Variants in UCHL3 observed in about 807,000 individuals in gnomAD.
UCHL3 encodes ubiquitin carboxyl-terminal hydrolase isozyme L3.
Under a neutral mutation model 35.8 loss-of-function variants are expected in UCHL3, and 22 were observed. The observed-to-expected ratio is 0.61, with a 90% CI of 0.44 to 0.88. The LOEUF is 0.88. Ranked by LOEUF, UCHL3 falls within the 40% of genes least tolerant of loss-of-function variation. The pLI, the probability that UCHL3 is intolerant of heterozygous loss-of-function variation, is 0.00. For missense variants in UCHL3, 229 were observed against 276.9 expected, an observed-to-expected ratio of 0.83 and a Z score of 1.23; for synonymous variants, 90 against 92.8, an observed-to-expected ratio of 0.97 and a Z score of 0.17.
chr13:75,573,059 G>A (rs1457431262), intron 6 of UCHL3, among the ~76,000 whole-genome samples: 1 of 152,176 alleles, frequency 6.6e-6, no homozygotes, highest in African/African-American at 2.4e-5. Flanking sequence ...GAGTTCAGGA[G>A]CTCAAGACTA....
At chr13:75,604,238 T>G (rs1455280763) in intron 7 of UCHL3, among the ~76,000 whole-genome samples, 1 of 152,170 alleles carries the variant, frequency 6.6e-6, no homozygotes, top group Admixed American at 6.5e-5. Context: ...ACTAGTTTAT[T>G]TAAGTTGATT....
chr13:75,578,612 G>C lies in UCHL3; in HGVS notation c.474+9105G>C, dbSNP rs185595636. The stretch of plus-strand genomic sequence containing the variant: ...GAATTCCATTTCTAAATTTTTGCTT[G>C]TTTAATAGGGGGAAATAACATGTTT... On this transcript the variant is annotated intron_variant, in intron 6 of 8. Coordinates refer to ENST00000377595, the MANE Select transcript of UCHL3 (RefSeq NM_006002.5). Among the ~76,000 whole-genome samples, 364 of 152,104 alleles carry C rather than the reference G, an allele frequency of 2.4e-3. 2 individuals are homozygous for C. The highest frequency in any genetic ancestry group is 4.2e-3 in the Non-Finnish European group (282 of 67,910).
chr13:75,550,132 G>T (rs1011998242), intron 2 of UCHL3, 145 bp downstream of exon 2: 77 of 1,307,518 alleles, frequency 5.9e-5, no homozygotes, highest in Non-Finnish European at 5.6e-5. Context: ...ACGCGGGTCC[G>T]CCCCTTTCAG....
In UCHL3 at chr13:75,566,678, CT is replaced by C. The variant is rs56945758; in HGVS notation, c.184-6del. ...TTATTTTCCACAAATACACTGTTGA[CT>C]TTTTTTTTTTAATAGTATGAAGTAT... On this transcript the variant is annotated splice_polypyrimidine_tract_variant and intron_variant, in intron 3 of 8. Transcript: ENST00000377595. The C allele has an allele frequency of 0.95, 1,054,161 of 1,105,196 alleles. 501,589 individuals are homozygous for C. Among genetic ancestry groups the C allele is most frequent in the Middle Eastern group, 0.97 (4,326 of 4,450 alleles). The allele number at this position is 1,105,196 out of a possible 1,614,324, so 68.5% of individuals were successfully genotyped here.
chr13:75,580,313 T>C (rs1277717727), intron 6 of UCHL3, among the ~76,000 whole-genome samples: 1 of 152,360 alleles, frequency 6.6e-6, no homozygotes, highest in East Asian at 1.9e-4. Flanking sequence ...TAATCCAATG[T>C]ATTACACTGA....
At chr13:75,590,172 G>T in intron 6 of UCHL3, 2 of 1,222,056 alleles carry the variant, frequency 1.6e-6, no homozygotes, top group Non-Finnish European at 2.1e-6. Context: ...AGTGACAAGG[G>T]CTGTCTTTTT....
At chr13:75,592,583 T>C (rs574704589) in intron 6 of UCHL3, among the ~76,000 whole-genome samples, 1 of 150,030 alleles carries the variant, frequency 6.7e-6, no homozygotes, top group East Asian at 1.9e-4. Flanking sequence ...TTATTTTTCT[T>C]GTTTTTAGTG....
chr13:75,599,020 G>A (rs1363420045), intron 7 of UCHL3, among the ~76,000 whole-genome samples: 1 of 152,008 alleles, frequency 6.6e-6, no homozygotes, highest in Non-Finnish European at 1.5e-5. Flanking sequence ...TGCAGACTTG[G>A]CCTTTGAAAG....
At chr13:75,582,290 G>A (rs1352373305) in intron 6 of UCHL3, among the ~76,000 whole-genome samples, 2 of 152,290 alleles carry the variant, frequency 1.3e-5, no homozygotes, top group East Asian at 3.9e-4. Flanking sequence ...CATTCTTCCT[G>A]AAGAGTAAAA....
chr13:75,595,597 CAAAAAAAAAAAAAAAA>C (rs58733406), intron 7 of UCHL3, among the ~76,000 whole-genome samples: 9 of 45,658 alleles, frequency 2.0e-4, no homozygotes, highest in African/African-American at 8.3e-4. Context: ...TACTCCATCT[CAAAAAAAAAAAAAAAA>C]AAAAAAAAAA....
At chr13:75,597,065 AT>A (rs770238359) in intron 7 of UCHL3, among the ~76,000 whole-genome samples, 2 of 152,226 alleles carry the variant, frequency 1.3e-5, no homozygotes, top group Non-Finnish European at 2.9e-5. Context: ...CAGAGCAATA[AT>A]AGGTACATTA....
At chr13:75,562,640 ACT>A (rs1491574906) in intron 3 of UCHL3, among the ~76,000 whole-genome samples, 1 of 152,076 alleles carries the variant, frequency 6.6e-6, no homozygotes. Context: ...ATTTTTTATG[ACT>A]TTTTTTGTAA....
At chr13:75,583,253 C>A (rs188984754) in intron 6 of UCHL3, among the ~76,000 whole-genome samples, 98 of 152,260 alleles carry the variant, frequency 6.4e-4, no homozygotes, top group African/African-American at 2.2e-3. Context: ...ATATGCTATC[C>A]TATTTTGAAT....
At chr13:75,549,649 C>A (rs4885310), upstream of UCHL3, 76,210 of 633,318 alleles carry the variant, frequency 0.12, 5,404 homozygotes, top group Non-Finnish European at 0.15. Context: ...GACCTACGGC[C>A]CTGCACGGAG....
At chr13:75,552,106 T>A (rs1248338387) in intron 2 of UCHL3, among the ~76,000 whole-genome samples, 1 of 152,222 alleles carries the variant, frequency 6.6e-6, no homozygotes, top group African/African-American at 2.4e-5. Flanking sequence ...GTACATTATA[T>A]CTGGCATGCT....
intron 6 of UCHL3, among the ~76,000 whole-genome samples, chr13:75,575,584 C>A (rs1301875600): frequency 6.6e-6 from 1 of 152,116 alleles, no homozygotes; most frequent in Non-Finnish European, 1.5e-5. Flanking sequence ...CCTCATCCCC[C>A]TTCTATAGAT....
intron 6 of UCHL3, among the ~76,000 whole-genome samples, chr13:75,570,212 T>C (rs1188380284): frequency 3.3e-5 from 5 of 152,224 alleles, no homozygotes; most frequent in African/African-American, 1.2e-4. Context: ...TCTTCTTTCT[T>C]ATCCCATATG....
At chr13:75,556,932 T>C (rs2031311069) in intron 2 of UCHL3, among the ~76,000 whole-genome samples, 2 of 152,210 alleles carry the variant, frequency 1.3e-5, no homozygotes, top group Non-Finnish European at 2.9e-5. Flanking sequence ...GGTAAAAGGA[T>C]ACACTGGGTT....
chr13:75,570,927 T>G (rs892854244), intron 6 of UCHL3, among the ~76,000 whole-genome samples: 1 of 152,042 alleles, frequency 6.6e-6, no homozygotes, highest in Non-Finnish European at 1.5e-5. Flanking sequence ...AATATATATA[T>G]ATATTGGTTG....
Sources: allele counts gnomAD v4.1 joint callset (sites outside exome capture counted in the v4.1 genomes callset), GRCh38; gene constraint gnomAD v4.1.1; transcripts MANE v1.5; gene names NCBI Gene and HGNC (gene_info 2026-07-23, HGNC 2026-07-21).